Variants in SCN1A observed in about 807,000 individuals in gnomAD.
The protein encoded by SCN1A is sodium channel protein type 1 subunit alpha.
Under a neutral mutation model 193.7 loss-of-function variants are expected in SCN1A, and 13 were observed. The ratio of observed to expected loss-of-function variants is 0.07; its 90% CI spans 0.04 to 0.11. The LOEUF (loss-of-function observed/expected upper bound fraction) is 0.11, where lower values mean the gene tolerates loss of function less well. SCN1A is among the 10% of genes least tolerant of loss of function. The probability of loss-of-function intolerance (pLI) is 1.00; values close to 1 mark genes in which losing one functional copy is unlikely to be tolerated. For synonymous variants in SCN1A, 781 were observed against 843.6 expected, an observed-to-expected ratio of 0.93 and a Z score of 1.29; for missense variants, 1,432 against 2,451.1, an observed-to-expected ratio of 0.58 and a Z score of 8.78.
chr2:166,096,692 C>T (rs773122215), intron 2 of SCN1A, among the ~76,000 whole-genome samples: 8 of 152,146 alleles, frequency 5.3e-5, no homozygotes, highest in Non-Finnish European at 8.8e-5. Context: ...TGACATTTTG[C>T]TTCAACTCAA....
At chr2:166,145,025 AT>A (rs1469255632) in intron 1 of SCN1A, among the ~76,000 whole-genome samples, 3 of 151,742 alleles carry the variant, frequency 2.0e-5, no homozygotes, top group Non-Finnish European at 4.4e-5. Context: ...TTTAGTAGAG[AT>A]GGGGTTTCAC....
At chr2:166,129,574 C>T (rs915225425), upstream of SCN1A, among the ~76,000 whole-genome samples, 7 of 152,108 alleles carry the variant, frequency 4.6e-5, no homozygotes, top group African/African-American at 1.7e-4. Flanking sequence ...CTGGTAGAGT[C>T]AGGGCAAAGT....
At chr2:165,998,261 A>AGAAGAT in intron 25 of SCN1A, 86 bp from the exon 26 acceptor site, 1 of 1,181,462 alleles carries the variant, frequency 8.5e-7, no homozygotes. Context: ...CAATAGAAAA[A>AGAAGAT]ATTATTCTTA....
At chr2:166,096,048 G>A (rs2106110469) in intron 2 of SCN1A, among the ~76,000 whole-genome samples, 1 of 152,104 alleles carries the variant, frequency 6.6e-6, no homozygotes, top group South Asian at 2.1e-4. Flanking sequence ...CTCCAGTTTT[G>A]GATTCATGTT....
In SCN1A at chr2:166,032,841, A is replaced by G. The variant is rs549531452; in HGVS notation, c.3429+3207T>C. On this transcript the variant is annotated intron_variant, in intron 19 of 28. Transcript: ENST00000674923. ...CAAGGTAACATGGCTAACAAAAACA[A>G]AAACAACAAAATCTAACTCAAGTGA... is the stretch of plus-strand genomic sequence containing the variant. 5.3e-3 allele frequency among the ~76,000 whole-genome samples: 809 copies of G among 152,276 alleles called. 7 individuals are homozygous for G. The highest frequency in any genetic ancestry group is 0.018 in the African/African-American group (768 of 41,558).
At chr2:166,067,614 A>T (rs1683977898) in intron 4 of SCN1A, among the ~76,000 whole-genome samples, 2 of 152,098 alleles carry the variant, frequency 1.3e-5, no homozygotes, top group South Asian at 4.2e-4. Context: ...TTTTTAAATA[A>T]AGACAAGAGC....
At chr2:165,997,169 T>C (rs1690193865) in intron 26 of SCN1A, among the ~76,000 whole-genome samples, 1 of 151,246 alleles carries the variant, frequency 6.6e-6, no homozygotes. Flanking sequence ...CTCTTTTTTT[T>C]TGTACAAAAC....
At chr2:166,088,402 T>C (rs1194433084) in intron 2 of SCN1A, among the ~76,000 whole-genome samples, 1 of 152,008 alleles carries the variant, frequency 6.6e-6, no homozygotes, top group Admixed American at 6.6e-5. Context: ...GAAAAAGATA[T>C]AGTTAAAACA....
intron 26 of SCN1A, among the ~76,000 whole-genome samples, chr2:165,997,793 C>T (rs1690280565): frequency 6.6e-6 from 1 of 151,016 alleles, no homozygotes; most frequent in Non-Finnish European, 1.5e-5. Context: ...GAAAATGTTT[C>T]TTGATAATGA....
chr2:166,073,519 TTGCCTTTTCTTC>T lies in SCN1A; in HGVS notation c.91_102del (p.Glu31_Ala34del). The T allele has an allele frequency of 6.2e-7, 1 of 1,614,214 alleles. No individual in the cohort carries two copies. Among genetic ancestry groups the T allele is most frequent in the Non-Finnish European group, 8.5e-7 (1 of 1,180,028 alleles). On this transcript the variant is annotated inframe_deletion, in exon 4 of 29. Transcript: ENST00000674923. ...TCTTTTTTGTCTGGTTTGGGATTCTTTGCCTTTTCTTCTGCAATGCGTCTTTCAATAGCCGCA... is the reference window on the plus strand; with the variant it reads ...TCTTTTTTGTCTGGTTTGGGATTCTTTGCAATGCGTCTTTCAATAGCCGCA...
At chr2:166,005,331 AAT>A (rs1175128316) in intron 23 of SCN1A, among the ~76,000 whole-genome samples, 2 of 151,374 alleles carry the variant, frequency 1.3e-5, no homozygotes, top group Non-Finnish European at 3.0e-5. Context: ...GTTATTTCTG[AAT>A]ATGGGATGAG....
At chr2:166,131,745 A>G (rs1691669721), upstream of SCN1A, among the ~76,000 whole-genome samples, 1 of 152,202 alleles carries the variant, frequency 6.6e-6, no homozygotes, top group Non-Finnish European at 1.5e-5. Context: ...TATCAAAAAT[A>G]TTCTTTCAAA....
chr2:166,081,069 A>G (rs1005314861), intron 2 of SCN1A, among the ~76,000 whole-genome samples: 1 of 151,848 alleles, frequency 6.6e-6, no homozygotes, highest in African/African-American at 2.4e-5. Flanking sequence ...GGACACATGT[A>G]TTACGTTCTG....
intron 6 of SCN1A, among the ~76,000 whole-genome samples, 154 bp downstream of exon 6, chr2:166,056,257 C>A (rs907979137): frequency 1.3e-5 from 2 of 152,016 alleles, no homozygotes; most frequent in African/African-American, 4.8e-5. Context: ...CGCCAGCAGG[C>A]CTGAGGGCCA....
chr2:166,041,841 T>A (rs1697228347), intron 15 of SCN1A, among the ~76,000 whole-genome samples: 1 of 152,188 alleles, frequency 6.6e-6, no homozygotes, highest in African/African-American at 2.4e-5. Flanking sequence ...CCTCAGACTA[T>A]GAGAGCTAGA....
At chr2:166,066,955 T>C (rs2105952031) in intron 4 of SCN1A, among the ~76,000 whole-genome samples, 1 of 152,296 alleles carries the variant, frequency 6.6e-6, no homozygotes, top group South Asian at 2.1e-4. Flanking sequence ...CCTCACCTTA[T>C]TCTCTTCTTA....
At chr2:166,049,330 T>C (rs1312675928) in intron 9 of SCN1A, among the ~76,000 whole-genome samples, 1 of 151,962 alleles carries the variant, frequency 6.6e-6, no homozygotes, top group African/African-American at 2.4e-5. Flanking sequence ...TCAGTAAAAA[T>C]AGACAGGAAT....
At chr2:166,004,236 C>G (rs998786029) in intron 23 of SCN1A, among the ~76,000 whole-genome samples, 2 of 151,456 alleles carry the variant, frequency 1.3e-5, no homozygotes, top group African/African-American at 4.8e-5. Context: ...AAATTGAAAT[C>G]AAGTTACTAT....
chr2:166,023,079 CTA>C (rs767701566), intron 19 of SCN1A, among the ~76,000 whole-genome samples: 3 of 152,152 alleles, frequency 2.0e-5, no homozygotes, highest in Non-Finnish European at 2.9e-5. Context: ...CATGGTGCCT[CTA>C]TGAATATTTT....
Sources: gnomAD v4.1 joint callset for allele counts (sites outside exome capture counted in the v4.1 genomes callset) on GRCh38, gnomAD v4.1.1 for gene constraint, MANE v1.5 for transcripts, NCBI Gene and HGNC (gene_info 2026-07-23, HGNC 2026-07-21) for gene names.